KCNH1: variants seen among roughly 807,000 people sequenced by gnomAD.
KCNH1 encodes potassium voltage-gated channel subfamily H member 1, also known as voltage-gated delayed rectifier potassium channel KCNH1.
KCNH1 carries 27 observed loss-of-function variants against 69.2 expected under a neutral mutation model. The observed-to-expected ratio is 0.39, with a 90% CI of 0.29 to 0.54. The LOEUF (loss-of-function observed/expected upper bound fraction) is 0.54, where lower values mean the gene tolerates loss of function less well. KCNH1 is among the 20% of genes least tolerant of loss of function. The pLI is 0.68. For missense variants in KCNH1, 798 were observed against 1,261.6 expected (o/e 0.63, Z 5.57); for synonymous variants, 456 against 487.7 (o/e 0.93, Z 0.86).
intron 7 of KCNH1, among the ~76,000 whole-genome samples, chr1:210,810,491 T>G (rs186431682): frequency 5.7e-4 from 87 of 152,296 alleles, no homozygotes; most frequent in Non-Finnish European, 8.8e-4. Context: ...TTTCTATATT[T>G]TCTTTTCCCT....
At chr1:210,981,813 T>C (rs1477284815) in intron 6 of KCNH1, among the ~76,000 whole-genome samples, 2 of 151,976 alleles carry the variant, frequency 1.3e-5, no homozygotes, top group Non-Finnish European at 2.9e-5. Context: ...GTTCTAGAGG[T>C]GAAGGCTATT....
At chr1:211,036,535 G>A (rs1689901947) in intron 5 of KCNH1, among the ~76,000 whole-genome samples, 1 of 152,190 alleles carries the variant, frequency 6.6e-6, no homozygotes, top group Non-Finnish European at 1.5e-5. Context: ...TAACTATCTG[G>A]AAAGAGGTTA....
intron 10 of KCNH1, among the ~76,000 whole-genome samples, chr1:210,699,099 T>C (rs1681713521): frequency 6.6e-6 from 1 of 152,312 alleles, no homozygotes; most frequent in African/African-American, 2.4e-5. Flanking sequence ...CAAGTGAGTC[T>C]CTCTTTGCTC....
At chr1:210,844,777 A>G (rs1451244770) in intron 7 of KCNH1, among the ~76,000 whole-genome samples, 1 of 152,292 alleles carries the variant, frequency 6.6e-6, no homozygotes, top group Non-Finnish European at 1.5e-5. Context: ...CAAAAAATCA[A>G]CGAATCCAGA....
At chr1:210,891,149 A>G (rs1428986552) in intron 7 of KCNH1, among the ~76,000 whole-genome samples, 1 of 152,240 alleles carries the variant, frequency 6.6e-6, no homozygotes, top group East Asian at 1.9e-4. Flanking sequence ...CCAAGTGTCC[A>G]TCAATGATAG....
intron 9 of KCNH1, among the ~76,000 whole-genome samples, chr1:210,785,999 G>A (rs375921601): frequency 3.3e-5 from 5 of 152,268 alleles, no homozygotes; most frequent in East Asian, 3.9e-4. Context: ...GAAAATAAAA[G>A]GTGATGCCTT....
intron 10 of KCNH1, among the ~76,000 whole-genome samples, chr1:210,731,639 AT>A (rs2149031652): frequency 6.6e-6 from 1 of 152,356 alleles, no homozygotes; most frequent in South Asian, 2.1e-4. Flanking sequence ...CCTTTGAAAA[AT>A]AATCAATTAT....
chr1:210,976,724 C>T (rs976562428), intron 6 of KCNH1, among the ~76,000 whole-genome samples: 2 of 149,866 alleles, frequency 1.3e-5, no homozygotes, highest in African/African-American at 4.9e-5. Context: ...CAATGACAGA[C>T]TGGATTAAGA....
At chr1:210,804,569 T>TTCCACA (rs1469249376) in intron 7 of KCNH1, among the ~76,000 whole-genome samples, 5 of 152,206 alleles carry the variant, frequency 3.3e-5, no homozygotes, top group Admixed American at 3.3e-4. Context: ...TGCCTATGTG[T>TTCCACA]TCCACACCAG....
At chr1:210,829,250 G>C (rs1318220028) in intron 7 of KCNH1, among the ~76,000 whole-genome samples, 1 of 151,958 alleles carries the variant, frequency 6.6e-6, no homozygotes, top group African/African-American at 2.4e-5. Flanking sequence ...AGATATATTT[G>C]TTAACCAACT....
intron 7 of KCNH1, among the ~76,000 whole-genome samples, chr1:210,875,692 A>G (rs1686359041): frequency 6.6e-6 from 1 of 151,880 alleles, no homozygotes; most frequent in South Asian, 2.1e-4. Flanking sequence ...AATCCCAGCT[A>G]CTCGGGAAGC....
intron 5 of KCNH1, among the ~76,000 whole-genome samples, chr1:211,034,523 T>G (rs992771173): frequency 6.6e-6 from 1 of 152,088 alleles, no homozygotes; most frequent in Non-Finnish European, 1.5e-5. Context: ...AATGCCAATA[T>G]CCAGGTTGTG....
At chr1:211,098,186 C>T (rs890604879) in intron 3 of KCNH1, among the ~76,000 whole-genome samples, 9 of 151,704 alleles carry the variant, frequency 5.9e-5, no homozygotes, top group South Asian at 2.1e-4. Flanking sequence ...CTGAGCATGA[C>T]GGTGTGTGCC....
intron 7 of KCNH1, chr1:210,861,948 G>C: frequency 1.3e-6 from 1 of 761,942 alleles, no homozygotes; most frequent in Non-Finnish European, 2.4e-6. Context: ...TGTGATGAAT[G>C]CATGTAGTAA....
chr1:210,848,710 T>C (rs1685614946), intron 7 of KCNH1, among the ~76,000 whole-genome samples: 1 of 152,226 alleles, frequency 6.6e-6, no homozygotes, highest in Non-Finnish European at 1.5e-5. Context: ...AATTAGGTTC[T>C]TATGAGGCCC....
At chr1:210,865,634 A>G (rs1686091453) in intron 7 of KCNH1, among the ~76,000 whole-genome samples, 1 of 152,214 alleles carries the variant, frequency 6.6e-6, no homozygotes, top group Non-Finnish European at 1.5e-5. Flanking sequence ...AATGCATTTT[A>G]TGTAAGGAAA....
At chr1:210,732,592 G>C (rs1209443863) in intron 10 of KCNH1, among the ~76,000 whole-genome samples, 1 of 152,182 alleles carries the variant, frequency 6.6e-6, no homozygotes, top group East Asian at 1.9e-4. Flanking sequence ...GCCTATCTTA[G>C]TCCATTGGGG....
chr1:210,889,203 A>G (rs1464218745), intron 7 of KCNH1, among the ~76,000 whole-genome samples: 2 of 152,224 alleles, frequency 1.3e-5, no homozygotes, highest in Non-Finnish European at 2.9e-5. Flanking sequence ...AAGCTTCTCC[A>G]CCACGATCAA....
At chr1:211,078,821 G>A (rs1690787744) in intron 5 of KCNH1, among the ~76,000 whole-genome samples, 1 of 151,328 alleles carries the variant, frequency 6.6e-6, no homozygotes, top group African/African-American at 2.4e-5. Flanking sequence ...GGGAGGCTGA[G>A]GCAGTAGAAT....
Sources: gnomAD v4.1 joint callset for allele counts (sites outside exome capture counted in the v4.1 genomes callset) on GRCh38, gnomAD v4.1.1 for gene constraint, MANE v1.5 for transcripts, NCBI Gene and HGNC (gene_info 2026-07-23, HGNC 2026-07-21) for gene names.